Variants in TGIF1 observed in about 807,000 individuals in gnomAD.
The protein encoded by TGIF1 is TGFB induced factor homeobox 1.
TGIF1 carries 4 observed loss-of-function variants against 19.3 expected under a neutral mutation model. The observed-to-expected ratio is 0.21, with a 90% confidence interval of 0.10 to 0.47. The LOEUF (loss-of-function observed/expected upper bound fraction) is 0.47, where lower values mean the gene tolerates loss of function less well. TGIF1 is among the 20% of genes least tolerant of loss of function. The pLI, the probability that TGIF1 is intolerant of heterozygous loss-of-function variation, is 0.98. For synonymous variants in TGIF1, 122 were observed against 129.3 expected, an observed-to-expected ratio of 0.94 and a Z score of 0.38; for missense variants, 275 against 341.4, an observed-to-expected ratio of 0.81 and a Z score of 1.53.
At chr18:3,432,140 A>C (rs1014293361) in intron 2 of TGIF1, among the ~76,000 whole-genome samples, 20 of 151,760 alleles carry the variant, frequency 1.3e-4, no homozygotes, top group African/African-American at 4.1e-4. Context: ...AAAAAAAAAA[A>C]AAAACACTAA....
intron 1 of TGIF1, among the ~76,000 whole-genome samples, chr18:3,417,315 G>A (rs2082345471): frequency 6.6e-6 from 1 of 151,880 alleles, no homozygotes; most frequent in East Asian, 1.9e-4. Flanking sequence ...ATGAGCCACC[G>A]CGTCCGGCTA....
chr18:3,450,396 C>T lies in TGIF1; in HGVS notation c.-94C>T. ...CACGTCCTACAAGTTACGGGAGAGT[C>T]GGCTGTGAAGGAGACGTTCGCTTAT... On this transcript the variant is annotated 5_prime_UTR_variant, in exon 1 of 3. Transcript: ENST00000343820. 2 of 1,546,078 alleles carry T rather than the reference C, an allele frequency of 1.3e-6. No homozygotes were observed. The highest frequency in any genetic ancestry group is 1.7e-6 in the Non-Finnish European group (2 of 1,144,268).
chr18:3,456,146 A>C lies in TGIF1; in HGVS notation c.17-208A>C, dbSNP rs1457350009. 1 of 648,218 alleles carries C rather than the reference A, an allele frequency of 1.5e-6. No individual in the cohort carries two copies. The highest frequency in any genetic ancestry group is 2.5e-5 in the Admixed American group (1 of 40,680). 40.2% of individuals were successfully genotyped at this position (648,218 alleles called of 1,614,324 possible). A position where few individuals can be genotyped will look rare whatever the true frequency, so the allele number is the denominator to read the frequency against. On this transcript the variant is annotated intron_variant, in intron 1 of 2. Coordinates refer to ENST00000343820, the MANE Select transcript of TGIF1 (RefSeq NM_003244.4). This position sits in a 1 kb window ranked among gnomAD's most constrained non-coding sequence, Gnocchi z 4.2. ...TAGAGGAAAGCGGCTGAGAAAAGGC[A>C]TCTGGCATTTGGTTGAGAGCCTCCT...
intron 2 of TGIF1, among the ~76,000 whole-genome samples, chr18:3,422,296 T>TAAAAAA (rs34822467): frequency 1.0e-3 from 81 of 80,218 alleles, no homozygotes; most frequent in Middle Eastern, 8.9e-3. Context: ...GTTTAAAAAG[T>TAAAAAA]AAAAAAAAAA....
At position 3,428,729 on chromosome 18, in the gene TGIF1, T is replaced by A. The variant is rs2082507346; in HGVS notation, c.-45+10514T>A. Among the ~76,000 whole-genome samples, 4 of 150,466 alleles carry A rather than the reference T, an allele frequency of 2.7e-5. No homozygotes were observed. The South Asian group carries it at 8.3e-4, about 31-fold the overall frequency. The stretch of plus-strand genomic sequence containing the variant: ...TCCAGTTTGGGCGACAGAGCAAGAC[T>A]TCATCTCAAAAAAAAAAATGTTATT... On this transcript the variant is annotated intron_variant, in intron 2 of 3. Coordinates refer to the TGIF1 transcript ENST00000401449.
At position 3,431,084 on chromosome 18, in the gene TGIF1, A is replaced by G. The variant is rs562143411; in HGVS notation, c.-45+12869A>G. Among the ~76,000 whole-genome samples, 25 of 152,326 alleles carry G rather than the reference A, an allele frequency of 1.6e-4. No individual in the cohort carries two copies. The East Asian group carries it at 4.4e-3, about 27-fold the overall frequency. On this transcript the variant is annotated intron_variant, in intron 2 of 3. Coordinates refer to the TGIF1 transcript ENST00000401449. ...CTGAAGGAGTGATGGAGGTAAGTCG[A>G]AAGGATAAGGCACCCAATTTGAGGA...
Position 3,458,070 on chromosome 18 carries a change from C to A in TGIF1, c.*130C>A. 1 of 788,306 alleles carries A rather than the reference C, an allele frequency of 1.3e-6. No individual in the cohort carries two copies. The highest frequency in any genetic ancestry group is 2.1e-6 in the Non-Finnish European group (1 of 484,386). 48.8% of individuals were successfully genotyped at this position (788,306 alleles called of 1,614,324 possible). A position where few individuals can be genotyped will look rare whatever the true frequency, so the allele number is the denominator to read the frequency against. ...GGATTGCTAAAACAGCTTCCTGTTA[C>A]TGAGATGTCTTCAATGGAATACAGT... On this transcript the variant is annotated 3_prime_UTR_variant, in exon 3 of 3. Transcript: ENST00000343820.
At chr18:3,452,497 GGGT>G in intron 1 of TGIF1, 1 of 1,481,776 alleles carries the variant, frequency 6.7e-7, no homozygotes, top group South Asian at 1.2e-5. Flanking sequence ...GAGTCGTCTG[GGGT>G]GGGCAGGCCT....
intron 2 of TGIF1, among the ~76,000 whole-genome samples, chr18:3,439,986 A>G (rs2143231770): frequency 6.6e-6 from 1 of 151,312 alleles, no homozygotes; most frequent in East Asian, 2.0e-4. Flanking sequence ...GAACCACTGC[A>G]CTCCAGCTTG....
At chr18:3,450,535 A>G in intron 1 of TGIF1, 30 bp downstream of exon 1, 1 of 1,557,438 alleles carries the variant, frequency 6.4e-7, no homozygotes, top group Non-Finnish European at 8.7e-7. Flanking sequence ...CGCGCACCAG[A>G]AGACGCGAGT....
intron 2 of TGIF1, among the ~76,000 whole-genome samples, chr18:3,431,053 A>G (rs1002747216): frequency 2.6e-5 from 4 of 152,234 alleles, no homozygotes; most frequent in African/African-American, 9.7e-5. Flanking sequence ...AGAAAATAAA[A>G]AAACCCTGAA....
intron 2 of TGIF1, among the ~76,000 whole-genome samples, chr18:3,434,358 G>A (rs1175863360): frequency 6.6e-6 from 1 of 152,022 alleles, no homozygotes; most frequent in Non-Finnish European, 1.5e-5. Flanking sequence ...CCAACACGTA[G>A]AAACCCCGTC....
At chr18:3,452,173 G>A (rs373376588) in intron 1 of TGIF1, 20 of 1,613,474 alleles carry the variant, frequency 1.2e-5, no homozygotes, top group Middle Eastern at 1.6e-4. Context: ...CCAGCGCCGT[G>A]GTCCTCCCTG....
At chr18:3,448,929 C>G (rs1341403005), upstream of TGIF1, among the ~76,000 whole-genome samples, 1 of 152,098 alleles carries the variant, frequency 6.6e-6, no homozygotes, top group African/African-American at 2.4e-5. Context: ...CGGGCGCTGT[C>G]TCTGCTAGGC....
chr18:3,456,499 G>A lies in TGIF1; in HGVS notation c.162G>A (p.Leu54=). ...KESVQILRDW[L]YEHRYNAYPS... is the part of the protein sequence containing the mutation. ...CTGTGCAGATTCTTCGGGATTGGCTGTATGAGCACCGTTACAATGCCTATC... is the reference window on the plus strand; with the variant it reads ...CTGTGCAGATTCTTCGGGATTGGCTATATGAGCACCGTTACAATGCCTATC... Residue 54 remains leucine (L), a synonymous_variant, in exon 2 of 3, where the codon CTG becomes CTA. Coordinates refer to ENST00000343820, the MANE Select transcript of TGIF1 (RefSeq NM_003244.4). This position sits in a 1 kb window ranked among gnomAD's most constrained non-coding sequence, Gnocchi z 4.2. 6.2e-7 allele frequency: 1 copy of A among 1,614,256 alleles called. No individual in the cohort carries two copies. Among genetic ancestry groups the A allele is most frequent in the Non-Finnish European group, 8.5e-7 (1 of 1,180,054 alleles).
At chr18:3,448,135 C>A, upstream of TGIF1, 1 of 984,436 alleles carries the variant, frequency 1.0e-6, no homozygotes, top group Non-Finnish European at 1.2e-6. Context: ...TCGAAAGCGG[C>A]CGAGGCAGCC....
chr18:3,419,680 T>C (rs2143126139), intron 2 of TGIF1, among the ~76,000 whole-genome samples: 1 of 152,336 alleles, frequency 6.6e-6, no homozygotes, highest in East Asian at 1.9e-4. Context: ...TGATTCTATA[T>C]GCTCCATATA....
At chr18:3,440,137 G>A (rs1297774563) in intron 2 of TGIF1, among the ~76,000 whole-genome samples, 1 of 152,092 alleles carries the variant, frequency 6.6e-6, no homozygotes, top group Non-Finnish European at 1.5e-5. Context: ...GATCCCTTGA[G>A]GTCAGAAGTT....
At chr18:3,427,602 C>CT (rs60164860) in intron 2 of TGIF1, among the ~76,000 whole-genome samples, 16,557 of 137,304 alleles carry the variant, frequency 0.12, 1,091 homozygotes, top group Non-Finnish European at 0.15. Context: ...AGAATATATT[C>CT]TTTTTTTTTT....
Sources: gnomAD v4.1 joint callset for allele counts (sites outside exome capture counted in the v4.1 genomes callset) on GRCh38, gnomAD v4.1.1 for gene constraint, Gnocchi (gnomAD v3.1) non-coding constraint, MANE v1.5 for transcripts, NCBI Gene and HGNC (gene_info 2026-07-23, HGNC 2026-07-21) for gene names.